Variants in PTPRG observed in about 807,000 individuals in gnomAD.
PTPRG encodes the protein receptor-type tyrosine-protein phosphatase gamma.
In PTPRG, 102 loss-of-function variants were observed where a neutral mutation model predicts 165.3. The observed-to-expected ratio is 0.62, with a 90% CI of 0.53 to 0.73. PTPRG has a LOEUF of 0.73. PTPRG is among the 30% of genes least tolerant of loss of function. PTPRG has a pLI of 0.00. For missense variants in PTPRG, 1,866 were observed against 1,861.4 expected, an observed-to-expected ratio of 1.00 and a Z score of -0.05; for synonymous variants, 675 against 669.5, an observed-to-expected ratio of 1.01 and a Z score of -0.13.
intron 2 of PTPRG, among the ~76,000 whole-genome samples, chr3:61,900,481 C>T (rs1412338571): frequency 6.6e-6 from 1 of 152,164 alleles, no homozygotes; most frequent in Admixed American, 6.5e-5. Flanking sequence ...TTGGCAAAGA[C>T]TCTGTAAGTC....
intron 16 of PTPRG, among the ~76,000 whole-genome samples, chr3:62,260,656 T>G (rs1187728979): frequency 6.6e-6 from 1 of 152,176 alleles, no homozygotes; most frequent in African/African-American, 2.4e-5. Flanking sequence ...CAATGCATAC[T>G]CCATTGGCCA....
In PTPRG at chr3:62,293,322, G is replaced by A. The variant is rs565878675; in HGVS notation, c.*15G>A. On this transcript the variant is annotated 3_prime_UTR_variant, in exon 30 of 30. Coordinates refer to ENST00000474889, the MANE Select transcript of PTPRG (RefSeq NM_002841.4). ...CCCTAGTGTGACTGGAATCCTGAAA[G>A]GGCACTTAATTTGTAAACTTCTGAA... 15 of 1,535,674 alleles carry A rather than the reference G, an allele frequency of 9.8e-6. No homozygotes were observed. The highest frequency in any genetic ancestry group is 1.3e-5 in the Non-Finnish European group (15 of 1,146,862).
At chr3:61,655,995 G>C (rs999123712) in intron 1 of PTPRG, among the ~76,000 whole-genome samples, 3 of 151,650 alleles carry the variant, frequency 2.0e-5, no homozygotes, top group African/African-American at 7.3e-5. Flanking sequence ...TGGGAGGATT[G>C]CTTCAGGCCC....
intron 1 of PTPRG, among the ~76,000 whole-genome samples, chr3:61,587,509 C>G (rs1199775456): frequency 6.6e-6 from 1 of 152,028 alleles, no homozygotes; most frequent in Non-Finnish European, 1.5e-5. Flanking sequence ...CTTTCTCTTG[C>G]TTAAGTATAA....
intron 1 of PTPRG, among the ~76,000 whole-genome samples, chr3:61,568,193 A>T (rs1314792928): frequency 2.0e-5 from 3 of 152,226 alleles, no homozygotes; most frequent in Non-Finnish European, 4.4e-5. Context: ...TATATTCCAG[A>T]AACCTGTATT....
intron 1 of PTPRG, among the ~76,000 whole-genome samples, chr3:61,691,230 T>A (rs1295039622): frequency 6.6e-6 from 1 of 152,060 alleles, no homozygotes; most frequent in African/African-American, 2.4e-5. Context: ...CTGGGCAACA[T>A]AGAGAGACCC....
intron 2 of PTPRG, chr3:61,749,929 C>T (rs1464127766): frequency 1.3e-5 from 2 of 152,148 alleles, no homozygotes; most frequent in African/African-American, 4.8e-5. Flanking sequence ...TGAATTTCTC[C>T]CAGCAAATCC....
intron 1 of PTPRG, among the ~76,000 whole-genome samples, chr3:61,633,439 T>A (rs1258396871): frequency 6.6e-6 from 1 of 152,236 alleles, no homozygotes; most frequent in Non-Finnish European, 1.5e-5. Flanking sequence ...ATTTGGAATG[T>A]ATTTGGGACA....
Position 61,963,875 on chromosome 3 carries a change from A to T in PTPRG, c.191-25750A>T, listed in dbSNP as rs73842168. Among the ~76,000 whole-genome samples, 238 of 150,760 alleles carry T rather than the reference A, an allele frequency of 1.6e-3. 1 individual carries two copies. Among genetic ancestry groups the T allele is most frequent in the African/African-American group, 4.0e-3 (165 of 41,164 alleles). On this transcript the variant is annotated intron_variant, in intron 2 of 29. Transcript: ENST00000474889. ...TGAAAATATGTGCAATATATATTTT[A>T]AAAAAAAAAGACCTCAGAAGGCAAG... is the stretch of plus-strand genomic sequence containing the variant.
chr3:61,900,989 A>G (rs1385566723), intron 2 of PTPRG, among the ~76,000 whole-genome samples: 1 of 152,212 alleles, frequency 6.6e-6, no homozygotes, highest in Admixed American at 6.5e-5. Flanking sequence ...GGAAATAAGC[A>G]TAGAAACTTG....
intron 1 of PTPRG, among the ~76,000 whole-genome samples, chr3:61,592,423 C>A (rs1244787772): frequency 6.6e-6 from 1 of 152,102 alleles, no homozygotes; most frequent in Admixed American, 6.5e-5. Flanking sequence ...TGAGCCCAAA[C>A]TGCTTGGAGT....
intron 1 of PTPRG, among the ~76,000 whole-genome samples, chr3:61,711,524 A>G (rs2031556134): frequency 6.6e-6 from 1 of 152,210 alleles, no homozygotes; most frequent in Non-Finnish European, 1.5e-5. Flanking sequence ...ATGACCAGTG[A>G]TGATGAGCTT....
At chr3:61,683,363 C>T (rs1270954671) in intron 1 of PTPRG, among the ~76,000 whole-genome samples, 3 of 152,190 alleles carry the variant, frequency 2.0e-5, no homozygotes, top group Non-Finnish European at 4.4e-5. Flanking sequence ...ACAGCTGTTG[C>T]TGTGGATTGG....
At chr3:62,205,964 G>C (rs141384295) in intron 12 of PTPRG, among the ~76,000 whole-genome samples, 1 of 152,188 alleles carries the variant, frequency 6.6e-6, no homozygotes, top group Non-Finnish European at 1.5e-5. Context: ...GCTTGGACCA[G>C]TGTGTTTTCT....
chr3:62,004,815 G>A (rs1360090388), intron 4 of PTPRG, among the ~76,000 whole-genome samples: 1 of 152,192 alleles, frequency 6.6e-6, no homozygotes, highest in Non-Finnish European at 1.5e-5. Flanking sequence ...GTTTTCAACT[G>A]TTAGAATTTC....
chr3:61,659,313 A>G, intron 1 of PTPRG: 1 of 985,374 alleles, frequency 1.0e-6, no homozygotes. Context: ...GTGCAAGTCC[A>G]AACAGTGCTG....
At position 61,888,002 on chromosome 3, in the gene PTPRG, CAT is replaced by C. The variant is rs2038099501; in HGVS notation, c.191-101621_191-101620del. On this transcript the variant is annotated intron_variant, in intron 2 of 29. Coordinates refer to ENST00000474889, the MANE Select transcript of PTPRG (RefSeq NM_002841.4). ...AGTAAAAAAACCAAAAAACAACAAACATAGAGCCAAAGTCAAAGACACAGAAG... is the reference window on the plus strand; with the variant it reads ...AGTAAAAAAACCAAAAAACAACAAACAGAGCCAAAGTCAAAGACACAGAAG... Among the ~76,000 whole-genome samples, 3 of 152,244 alleles carry C rather than the reference CAT, an allele frequency of 2.0e-5. No homozygotes were observed. The South Asian group carries it at 6.2e-4, about 32-fold the overall frequency.
intron 5 of PTPRG, among the ~76,000 whole-genome samples, chr3:62,099,468 G>A (rs1702216434): frequency 6.6e-6 from 1 of 151,976 alleles, no homozygotes; most frequent in South Asian, 2.1e-4. Context: ...AAACACAAAT[G>A]CCCAACATTT....
chr3:62,228,697 A>G lies in PTPRG; in HGVS notation c.2289-2528A>G, dbSNP rs1251653545. ...AAGTCCACTGTTAACGGGTAGAATCAGATTCTTTTCTGGAAGATTCTACAT... is the reference window on the plus strand; with the variant it reads ...AAGTCCACTGTTAACGGGTAGAATCGGATTCTTTTCTGGAAGATTCTACAT... On this transcript the variant is annotated intron_variant, in intron 13 of 29. Coordinates refer to ENST00000474889, the MANE Select transcript of PTPRG (RefSeq NM_002841.4). This position sits in a 1 kb window ranked among gnomAD's most constrained non-coding sequence, Gnocchi z 4.1. 6.6e-6 allele frequency among the ~76,000 whole-genome samples: 1 copy of G among 152,172 alleles called. No homozygotes were observed. The highest frequency in any genetic ancestry group is 2.4e-5 in the African/African-American group (1 of 41,442).
Sources: gnomAD v4.1 joint callset for allele counts (sites outside exome capture counted in the v4.1 genomes callset) on GRCh38, gnomAD v4.1.1 for gene constraint, Gnocchi (gnomAD v3.1) non-coding constraint, MANE v1.5 for transcripts, NCBI Gene and HGNC (gene_info 2026-07-23, HGNC 2026-07-21) for gene names.